Variants in LYPD6B observed in about 807,000 individuals in gnomAD.
LYPD6B encodes ly6/PLAUR domain-containing protein 6B.
LYPD6B carries 17 observed loss-of-function variants against 22.8 expected under a neutral mutation model. The ratio of observed to expected loss-of-function variants is 0.75; its 90% CI spans 0.51 to 1.12. LYPD6B has a LOEUF of 1.12. Ranked by LOEUF, LYPD6B falls within the 50% of genes most tolerant of loss-of-function variation. The probability of loss-of-function intolerance (pLI) is 0.00; values close to 1 mark genes in which losing one functional copy is unlikely to be tolerated. For synonymous variants in LYPD6B, 106 were observed against 91.6 expected (o/e 1.16, Z -0.90); for missense variants, 221 against 258.3 (o/e 0.86, Z 0.99).
At chr2:149,184,897 T>C (rs1300337034) in intron 3 of LYPD6B, among the ~76,000 whole-genome samples, 2 of 152,240 alleles carry the variant, frequency 1.3e-5, no homozygotes, top group African/African-American at 2.4e-5. Flanking sequence ...GCATGTTCCC[T>C]GTACAAGCAT....
intron 1 of LYPD6B, among the ~76,000 whole-genome samples, chr2:149,056,901 A>G (rs1196154633): frequency 2.6e-5 from 4 of 152,160 alleles, no homozygotes; most frequent in Non-Finnish European, 4.4e-5. Flanking sequence ...GAGTTACCCA[A>G]AAGCTTTGGG....
intron 1 of LYPD6B, among the ~76,000 whole-genome samples, chr2:149,121,947 C>A (rs1462226556): frequency 1.3e-5 from 2 of 152,116 alleles, no homozygotes; most frequent in East Asian, 3.9e-4. Flanking sequence ...CAGAGCAAGG[C>A]CAATAATGGA....
In LYPD6B at chr2:149,178,474, T is replaced by C. The variant is rs571511973; in HGVS notation, c.77+17639T>C. ...ACAGTGCTACCTGAACATTCTGTCC[T>C]TTCAGCTGACAACAAACAACGAAGT... On this transcript the variant is annotated intron_variant, in intron 3 of 6. Coordinates refer to ENST00000409642, the MANE Select transcript of LYPD6B (RefSeq NM_177964.5). Among the ~76,000 whole-genome samples, 3 of 152,284 alleles carry C rather than the reference T, an allele frequency of 2.0e-5. No homozygotes were observed. In the East Asian group the frequency reaches 5.8e-4, roughly 29 times the overall value.
intron 1 of LYPD6B, among the ~76,000 whole-genome samples, chr2:149,062,267 G>A (rs766242579): frequency 1.3e-5 from 2 of 152,188 alleles, no homozygotes; most frequent in Non-Finnish European, 2.9e-5. Flanking sequence ...GATTACAGGC[G>A]TGAGCCACCG....
intron 2 of LYPD6B, among the ~76,000 whole-genome samples, chr2:149,136,547 T>C (rs191488586): frequency 1.7e-4 from 26 of 152,318 alleles, no homozygotes; most frequent in African/African-American, 6.0e-4. Context: ...AACTCTCTAA[T>C]AGATATTCTA....
At chr2:149,185,506 A>C (rs1354634203) in intron 3 of LYPD6B, among the ~76,000 whole-genome samples, 1 of 152,228 alleles carries the variant, frequency 6.6e-6, no homozygotes, top group Admixed American at 6.5e-5. Flanking sequence ...GGTTTGGAGA[A>C]AAAGGAAAGT....
chr2:149,139,249 A>AC, intron 2 of LYPD6B, among the ~76,000 whole-genome samples: 1 of 152,162 alleles, frequency 6.6e-6, no homozygotes, highest in East Asian at 1.9e-4. Flanking sequence ...ATGAAACATA[A>AC]CCCGTTCTCC....
At chr2:149,119,682 A>G (rs1454412981) in intron 1 of LYPD6B, among the ~76,000 whole-genome samples, 1 of 152,212 alleles carries the variant, frequency 6.6e-6, no homozygotes. Context: ...ATGGCCATCA[A>G]TCTGTTATCA....
At position 149,187,695 on chromosome 2, in the gene LYPD6B, C is replaced by T. The variant is rs1419465054; in HGVS notation, c.78-17558C>T. The stretch of plus-strand genomic sequence containing the variant: ...ACATTAGAAGAAGAGCTATCTTGGA[C>T]CACACATAAAATACGCTAACACTAA... On this transcript the variant is annotated intron_variant, in intron 3 of 6. Transcript: ENST00000409642. The T allele has an allele frequency of 8.3e-6, 4 of 482,268 alleles. No individual in the cohort carries two copies. The East Asian group carries it at 1.4e-4, about 17-fold the overall frequency. 29.9% of individuals were successfully genotyped at this position (482,268 alleles called of 1,614,324 possible).
At chr2:149,082,798 C>A (rs1419647227) in intron 1 of LYPD6B, among the ~76,000 whole-genome samples, 1 of 152,136 alleles carries the variant, frequency 6.6e-6, no homozygotes, top group Admixed American at 6.5e-5. Flanking sequence ...GGGTGGACTT[C>A]CATTGTGTGG....
intron 1 of LYPD6B, among the ~76,000 whole-genome samples, chr2:149,056,989 T>C (rs1683830552): frequency 6.6e-6 from 1 of 152,132 alleles, no homozygotes; most frequent in Non-Finnish European, 1.5e-5. Context: ...AATTTGTCAA[T>C]TCAGAGGATT....
intron 1 of LYPD6B, among the ~76,000 whole-genome samples, chr2:149,105,945 A>G (rs1415861388): frequency 1.3e-5 from 2 of 152,122 alleles, no homozygotes; most frequent in African/African-American, 4.8e-5. Flanking sequence ...ACTGTACTCT[A>G]TCAGGTCCAA....
At chr2:149,160,203 A>G (rs200230804) in intron 2 of LYPD6B, among the ~76,000 whole-genome samples, 29 of 152,164 alleles carry the variant, frequency 1.9e-4, no homozygotes, top group East Asian at 1.9e-4. Flanking sequence ...AAAATTGGGC[A>G]TAATTTTTGT....
intron 3 of LYPD6B, among the ~76,000 whole-genome samples, chr2:149,187,855 G>A (rs1319885789): frequency 6.6e-6 from 1 of 152,236 alleles, no homozygotes; most frequent in Non-Finnish European, 1.5e-5. Context: ...TGGGTTGGAC[G>A]AGCTTGCCTT....
At chr2:149,143,511 CGCAAA>C (rs1157764309) in intron 2 of LYPD6B, among the ~76,000 whole-genome samples, 1 of 75,450 alleles carries the variant, frequency 1.3e-5, no homozygotes, top group Non-Finnish European at 2.6e-5. Flanking sequence ...CAACATGTGA[CGCAAA>C]AAAAAAAAAA....
intron 6 of LYPD6B, among the ~76,000 whole-genome samples, chr2:149,213,971 A>C (rs1436010027): frequency 6.6e-6 from 1 of 152,202 alleles, no homozygotes; most frequent in African/African-American, 2.4e-5. Context: ...TATCAGGTTG[A>C]GACATTGTAC....
Position 149,208,810 on chromosome 2 carries a change from G to A in LYPD6B, c.328+398G>A, listed in dbSNP as rs139796523. On this transcript the variant is annotated intron_variant, in intron 5 of 6. Coordinates refer to ENST00000409642, the MANE Select transcript of LYPD6B (RefSeq NM_177964.5). ...ATCTTTTTAGTTTGTTTAGTTTACA[G>A]ATATATCCCAGTGCCTAATCCAGTG... 6.8e-4 allele frequency among the ~76,000 whole-genome samples: 104 copies of A among 152,262 alleles called. 1 individual carries two copies. Among genetic ancestry groups the A allele is most frequent in the African/African-American group, 2.5e-3 (103 of 41,572 alleles).
At chr2:149,162,170 C>T (rs1282036834) in intron 3 of LYPD6B, among the ~76,000 whole-genome samples, 8 of 152,104 alleles carry the variant, frequency 5.3e-5, no homozygotes, top group Non-Finnish European at 7.3e-5. Context: ...TCATGATCAC[C>T]GTGGTGATAA....
At chr2:149,113,692 A>T (rs1180518925) in intron 1 of LYPD6B, among the ~76,000 whole-genome samples, 1 of 152,110 alleles carries the variant, frequency 6.6e-6, no homozygotes, top group Non-Finnish European at 1.5e-5. Context: ...AATTGCTAGT[A>T]ATTGATCAAT....
Sources: allele counts gnomAD v4.1 joint callset (sites outside exome capture counted in the v4.1 genomes callset), GRCh38; gene constraint gnomAD v4.1.1; transcripts MANE v1.5; gene names NCBI Gene and HGNC (gene_info 2026-07-23, HGNC 2026-07-21).